RERE: variants seen among roughly 807,000 people sequenced by gnomAD.
RERE encodes arginine-glutamic acid dipeptide repeats.
In RERE, 40 loss-of-function variants were observed where a neutral mutation model predicts 146.1. The observed-to-expected ratio is 0.27, with a 90% CI of 0.21 to 0.36. The LOEUF (loss-of-function observed/expected upper bound fraction) is 0.36. Among genes scored for constraint, RERE ranks in the 10% least tolerant of loss-of-function variants. RERE has a pLI of 1.00. For missense variants in RERE, 1,933 were observed against 2,138.7 expected (o/e 0.90, Z 1.90); for synonymous variants, 1,003 against 866.0 (o/e 1.16, Z -2.78).
At chr1:8,805,801 T>C (rs1487891971) in intron 1 of RERE, 1 of 150,572 alleles carries the variant, frequency 6.6e-6, no homozygotes, top group Non-Finnish European at 1.5e-5. Flanking sequence ...CACTCCAGCT[T>C]GGGCAACAGG....
chr1:8,356,146 A>C lies in RERE; in HGVS notation c.4440T>G (p.Leu1480=). The C allele has an allele frequency of 6.6e-7, 1 of 1,513,226 alleles. No individual in the cohort carries two copies. Among genetic ancestry groups the C allele is most frequent in the African/African-American group, 1.5e-5 (1 of 68,474 alleles). The allele number at this position is 1,513,226 out of a possible 1,614,324, so 93.7% of individuals were successfully genotyped here. ...YPPGTLPNPL[L]GQPPHEHEML... is the part of the protein sequence containing the mutation. ...TCTCGTGCTCGTGTGGGGGCTGTCC[A>C]AGCAGAGGGTTGGGGAGAGTGCCAG... is the stretch of plus-strand genomic sequence containing the variant. The change falls in exon 21 of 23, where the codon CTT becomes CTG. Residue 1480 remains leucine, a synonymous_variant. Transcript: ENST00000400908. The surrounding 1 kb of genome is among the most constrained non-coding windows in gnomAD (Gnocchi z 5.2).
intron 10 of RERE, among the ~76,000 whole-genome samples, chr1:8,490,047 C>CT (rs1644956271): frequency 1.5e-5 from 2 of 129,276 alleles, no homozygotes; most frequent in Non-Finnish European, 3.2e-5. Context: ...GAGCGAGACT[C>CT]TGTCTCAAAA....
chr1:8,462,693 G>C (rs569468000), intron 11 of RERE, among the ~76,000 whole-genome samples: 18 of 152,304 alleles, frequency 1.2e-4, no homozygotes, highest in African/African-American at 4.3e-4. Context: ...GACTGTTGTA[G>C]TCAGATCAGA....
chr1:8,585,517 T>C (rs751741781), intron 4 of RERE, among the ~76,000 whole-genome samples: 1 of 152,188 alleles, frequency 6.6e-6, no homozygotes, highest in Non-Finnish European at 1.5e-5. Flanking sequence ...ATGCTAATTA[T>C]GTGTCTGCTG....
rs558981981 is a variant in RERE at position 8,494,994 on chromosome 1, A to G, written c.1104+69T>C. 2.5e-5 allele frequency: 29 copies of G among 1,145,336 alleles called. 2 individuals are homozygous for G. The South Asian group carries it at 3.1e-4, about 12-fold the overall frequency. 70.9% of individuals were successfully genotyped at this position (1,145,336 alleles called of 1,614,324 possible). On this transcript the variant is annotated intron_variant, in intron 10 of 22. Coordinates refer to ENST00000400908, the MANE Select transcript of RERE (RefSeq NM_001042681.2). Reference sequence around the variant, plus strand: ...CGACTTCATGCTCCGCACTCATCACACATTCCCTACAGCCAGTTCAGGGGA... The same window carrying G: ...CGACTTCATGCTCCGCACTCATCACGCATTCCCTACAGCCAGTTCAGGGGA...
chr1:8,709,442 T>C (rs1461206820), intron 1 of RERE, among the ~76,000 whole-genome samples: 1 of 152,012 alleles, frequency 6.6e-6, no homozygotes, highest in African/African-American at 2.4e-5. Flanking sequence ...TTTTAGAGTA[T>C]ATGGTCCTAC....
intron 12 of RERE, among the ~76,000 whole-genome samples, chr1:8,397,692 T>A (rs1387499953): frequency 1.3e-5 from 2 of 152,084 alleles, no homozygotes; most frequent in Non-Finnish European, 2.9e-5. Flanking sequence ...GCCTTGAGGA[T>A]CCACGCGCCT....
intron 12 of RERE, among the ~76,000 whole-genome samples, chr1:8,414,913 C>A (rs559488670): frequency 6.6e-6 from 1 of 152,100 alleles, no homozygotes; most frequent in South Asian, 2.1e-4. Context: ...GGGACTGAGA[C>A]TGAGGTTAAT....
intron 1 of RERE, among the ~76,000 whole-genome samples, chr1:8,686,585 A>G (rs1639091182): frequency 6.6e-6 from 1 of 152,164 alleles, no homozygotes; most frequent in South Asian, 2.1e-4. Context: ...CCCCATCTCC[A>G]CTAAAAATAC....
At chr1:8,528,989 C>T (rs911075252) in intron 7 of RERE, among the ~76,000 whole-genome samples, 8 of 152,162 alleles carry the variant, frequency 5.3e-5, no homozygotes, top group African/African-American at 1.9e-4. Context: ...GTGCTCAAAG[C>T]ATTCTGGATT....
intron 1 of RERE, among the ~76,000 whole-genome samples, chr1:8,726,300 C>T (rs1170870227): frequency 7.9e-5 from 12 of 151,662 alleles, no homozygotes; most frequent in African/African-American, 7.3e-5. Flanking sequence ...TACAAGCACA[C>T]GCCACCACGC....
chr1:8,774,886 G>C (rs1641030176), intron 1 of RERE, among the ~76,000 whole-genome samples: 1 of 149,840 alleles, frequency 6.7e-6, no homozygotes, highest in African/African-American at 2.5e-5. Context: ...TATTCCAGCT[G>C]AGGAGAATTA....
chr1:8,618,368 G>A (rs1646880518), intron 3 of RERE, among the ~76,000 whole-genome samples: 1 of 152,182 alleles, frequency 6.6e-6, no homozygotes, highest in Non-Finnish European at 1.5e-5. Flanking sequence ...GCAACTGATG[G>A]ATGGAGTATG....
At chr1:8,363,026 T>C (rs958171874) in intron 15 of RERE, among the ~76,000 whole-genome samples, 182 bp from the exon 16 acceptor site, 1 of 152,160 alleles carries the variant, frequency 6.6e-6, no homozygotes, top group Non-Finnish European at 1.5e-5. Flanking sequence ...GGTGTGGAGC[T>C]CAGGGAAGAG....
At position 8,356,159 on chromosome 1, in the gene RERE, G is replaced by C; in HGVS notation, c.4427C>G (p.Pro1476Arg). Residue 1476 changes from proline to arginine, a missense_variant, in exon 21 of 23, where the codon CCC (proline) becomes CGC (arginine). Pro to Arg is a moderately radical substitution (Grantham distance 103, BLOSUM62 -2). Coordinates refer to ENST00000400908, the MANE Select transcript of RERE (RefSeq NM_001042681.2). The surrounding 1 kb of genome is among the most constrained non-coding windows in gnomAD (Gnocchi z 5.2). The stretch of plus-strand genomic sequence containing the variant: ...TGGGGGCTGTCCAAGCAGAGGGTTG[G>C]GGAGAGTGCCAGGCGGGTAGGGGAA... ...ARFPYPPGTL[P>R]NPLLGQPPHE... 2 of 1,521,508 alleles carry C rather than the reference G, an allele frequency of 1.3e-6. No individual in the cohort carries two copies. Among genetic ancestry groups the C allele is most frequent in the Non-Finnish European group, 1.7e-6 (2 of 1,143,460 alleles). 94.3% of individuals were successfully genotyped at this position (1,521,508 alleles called of 1,614,324 possible).
chr1:8,715,817 T>C lies in RERE; in HGVS notation c.-144-59376A>G, dbSNP rs577149353. Among the ~76,000 whole-genome samples, 30 of 151,956 alleles carry C rather than the reference T, an allele frequency of 2.0e-4. No individual in the cohort carries two copies. The South Asian group carries it at 3.1e-3, about 16-fold the overall frequency. ...TACTCAGGAGACTAAGGCAGGAGGA[T>C]TGTTGAGCCCAGAAAGTAGAAGTTG... On this transcript the variant is annotated intron_variant, in intron 1 of 22. Transcript: ENST00000400908.
rs537393722 is a variant in RERE, at chr1:8,394,041, T to C, written c.1285-28067A>G. On this transcript the variant is annotated intron_variant, in intron 12 of 22. Coordinates refer to ENST00000400908, the MANE Select transcript of RERE (RefSeq NM_001042681.2). ...ACCATAACCCAAGAAAAATCCCTGA[T>C]TTCTCCACTAAGGGCTCCTGAGACC... Among the ~76,000 whole-genome samples the C allele has an allele frequency of 2.0e-5, 3 of 152,262 alleles. No homozygotes were observed. In the East Asian group the frequency reaches 5.8e-4, roughly 29 times the overall value.
rs59647434 is a variant in RERE, at chr1:8,669,024, CTGTGTGTGTGTGTG to C, written c.-144-12597_-144-12584del. Among the ~76,000 whole-genome samples the C allele has an allele frequency of 8.9e-3, 390 of 43,830 alleles. 6 individuals are homozygous for C. The highest frequency in any genetic ancestry group is 0.027 in the African/African-American group (298 of 11,238). 28.8% of individuals were successfully genotyped at this position (43,830 alleles called of 152,430 possible). On this transcript the variant is annotated intron_variant, in intron 1 of 22. Coordinates refer to ENST00000400908, the MANE Select transcript of RERE (RefSeq NM_001042681.2). ...TGAATATTCTAAAATGCACTCAACT[CTGTGTGTGTGTGTG>C]TGTGTGTGTGTGTGTGTGTGTGTGT...
intron 4 of RERE, among the ~76,000 whole-genome samples, chr1:8,562,430 T>C (rs974482046): frequency 2.6e-5 from 4 of 152,190 alleles, no homozygotes; most frequent in Admixed American, 6.6e-5. Flanking sequence ...TAGGGTGTAC[T>C]TCTGAATAGT....
Sources: allele counts gnomAD v4.1 joint callset (sites outside exome capture counted in the v4.1 genomes callset), GRCh38; gene constraint gnomAD v4.1.1; non-coding constraint Gnocchi (gnomAD v3.1); transcripts MANE v1.5; gene names NCBI Gene and HGNC (gene_info 2026-07-23, HGNC 2026-07-21).